Variants in TTC27 observed in about 807,000 individuals in gnomAD.
TTC27 encodes the protein tetratricopeptide repeat domain 27.
TTC27 carries 79 observed loss-of-function variants against 115.9 expected under a neutral mutation model. The ratio of observed to expected loss-of-function variants is 0.68; its 90% CI spans 0.57 to 0.82. The LOEUF (loss-of-function observed/expected upper bound fraction) is 0.82, where lower values mean the gene tolerates loss of function less well. Ranked by LOEUF, TTC27 falls within the 40% of genes least tolerant of loss-of-function variation. The probability of loss-of-function intolerance (pLI) is 0.00; values close to 1 mark genes in which losing one functional copy is unlikely to be tolerated. For synonymous variants in TTC27, 401 were observed against 356.0 expected, an observed-to-expected ratio of 1.13 and a Z score of -1.42; for missense variants, 1,054 against 993.1, an observed-to-expected ratio of 1.06 and a Z score of -0.82.
intron 3 of TTC27, among the ~76,000 whole-genome samples, chr2:32,636,794 T>G (rs993425721): frequency 1.3e-5 from 2 of 152,232 alleles, no homozygotes; most frequent in Non-Finnish European, 2.9e-5. Flanking sequence ...AGCTGGATTT[T>G]GTCAAAGAAG....
intron 9 of TTC27, among the ~76,000 whole-genome samples, chr2:32,694,980 G>C (rs952348690): frequency 6.6e-6 from 1 of 151,942 alleles, no homozygotes; most frequent in Non-Finnish European, 1.5e-5. Flanking sequence ...CGGCCAGCCT[G>C]CTCTGTCTTT....
At chr2:32,799,696 T>G (rs1670855957) in intron 16 of TTC27, among the ~76,000 whole-genome samples, 1 of 152,174 alleles carries the variant, frequency 6.6e-6, no homozygotes, top group African/African-American at 2.4e-5. Flanking sequence ...ATATCCTTAT[T>G]ATATAAAGAG....
At chr2:32,670,111 C>T (rs543024429) in intron 7 of TTC27, among the ~76,000 whole-genome samples, 5 of 151,750 alleles carry the variant, frequency 3.3e-5, no homozygotes, top group African/African-American at 9.7e-5. Context: ...CTTCTGACGT[C>T]GGGTGATCCG....
At chr2:32,795,570 A>G (rs2148030641) in intron 16 of TTC27, among the ~76,000 whole-genome samples, 1 of 148,806 alleles carries the variant, frequency 6.7e-6, no homozygotes, top group East Asian at 2.0e-4. Context: ...TTATTTATTT[A>G]TTGACAAAGT....
intron 14 of TTC27, among the ~76,000 whole-genome samples, chr2:32,782,166 G>A (rs1440741275): frequency 6.6e-6 from 1 of 152,162 alleles, no homozygotes; most frequent in Non-Finnish European, 1.5e-5. Context: ...AATAGGTAGA[G>A]AAATATCTTT....
chr2:32,800,972 G>A (rs1670911544), intron 16 of TTC27, among the ~76,000 whole-genome samples: 3 of 152,146 alleles, frequency 2.0e-5, no homozygotes, highest in Admixed American at 2.0e-4. Context: ...CAAGAGATTT[G>A]ATATTTAAAA....
intron 13 of TTC27, among the ~76,000 whole-genome samples, chr2:32,775,695 G>C (rs1358586695): frequency 6.6e-6 from 1 of 151,954 alleles, no homozygotes; most frequent in East Asian, 1.9e-4. Flanking sequence ...TCGGTTGTAA[G>C]AAGTACCTTT....
chr2:32,710,529 A>G (rs1667539243), intron 10 of TTC27, among the ~76,000 whole-genome samples: 1 of 147,842 alleles, frequency 6.8e-6, no homozygotes, highest in African/African-American at 2.5e-5. Context: ...TCCCAGGTTC[A>G]ACCAATTCTC....
In TTC27 at chr2:32,811,115, TA is replaced by T; in HGVS notation, c.2091del (p.Leu697PhefsTer5). The T allele has an allele frequency of 6.2e-7, 1 of 1,614,196 alleles. No individual in the cohort carries two copies. The highest frequency in any genetic ancestry group is 8.5e-7 in the Non-Finnish European group (1 of 1,180,028). On this transcript the variant is annotated frameshift_variant, in exon 17 of 20. Coordinates refer to ENST00000317907, the MANE Select transcript of TTC27 (RefSeq NM_017735.5). LOFTEE classifies it high-confidence loss of function. The stretch of plus-strand genomic sequence containing the variant: ...GGCCTCAAAGGAAAGCTGCAGGAGT[TA>T]TTTGGCAGAGTGACTTCAAGAGTGA... ...ATGLKGKLQE[L>X]FGRVTSRVTN...
intron 10 of TTC27, among the ~76,000 whole-genome samples, chr2:32,708,997 A>C (rs1347929638): frequency 6.6e-6 from 1 of 152,240 alleles, no homozygotes; most frequent in Non-Finnish European, 1.5e-5. Context: ...TTGTGACTGC[A>C]TAGGGGGGTT....
intron 10 of TTC27, among the ~76,000 whole-genome samples, chr2:32,727,224 T>A (rs1668140613): frequency 6.6e-6 from 1 of 152,238 alleles, no homozygotes; most frequent in Non-Finnish European, 1.5e-5. Context: ...AAGATTTTTC[T>A]GATGAGATTG....
intron 9 of TTC27, among the ~76,000 whole-genome samples, chr2:32,692,874 G>C (rs576878315): frequency 6.6e-6 from 1 of 152,068 alleles, no homozygotes; most frequent in South Asian, 2.1e-4. Flanking sequence ...TACTTGGGAG[G>C]CTGAGGCAGG....
chr2:32,745,951 G>GT (rs1417263149), intron 12 of TTC27, among the ~76,000 whole-genome samples: 1 of 152,108 alleles, frequency 6.6e-6, no homozygotes, highest in Non-Finnish European at 1.5e-5. Context: ...TAAACAGCAT[G>GT]TTACTCCGGT....
chr2:32,628,141 C>T lies in TTC27; in HGVS notation c.-152C>T. The stretch of plus-strand genomic sequence containing the variant: ...TATGGCCGCCTCCTTGAGGTAGTAT[C>T]CGCACATGGAATTCTAGGGCCGCAG... On this transcript the variant is annotated 5_prime_UTR_variant, in exon 1 of 20. Coordinates refer to ENST00000317907, the MANE Select transcript of TTC27 (RefSeq NM_017735.5). 1 of 695,590 alleles carries T rather than the reference C, an allele frequency of 1.4e-6. No individual in the cohort carries two copies. The highest frequency in any genetic ancestry group is 2.4e-6 in the Non-Finnish European group (1 of 408,896). The allele number at this position is 695,590 out of a possible 1,614,324, so 43.1% of individuals were successfully genotyped here.
At chr2:32,656,406 G>A (rs1665322950) in intron 5 of TTC27, among the ~76,000 whole-genome samples, 1 of 152,160 alleles carries the variant, frequency 6.6e-6, no homozygotes, top group Non-Finnish European at 1.5e-5. Context: ...TTTTTAGGTA[G>A]AGAACTTGGA....
Position 32,811,128 on chromosome 2 carries a change from G to C in TTC27, c.2103G>C (p.Val701=). The C allele has an allele frequency of 6.2e-7, 1 of 1,614,176 alleles. No homozygotes were observed. Among genetic ancestry groups the C allele is most frequent in the Non-Finnish European group, 8.5e-7 (1 of 1,180,034 alleles). The change falls in exon 17 of 20, where the codon GTG becomes GTC. Residue 701 remains valine (V), a synonymous_variant. Transcript: ENST00000317907. The part of the protein sequence containing the change: ...KGKLQELFGR[V]TSRVTNDGEI... ...AGCTGCAGGAGTTATTTGGCAGAGT[G>C]ACTTCAAGAGTGACAAATGATGGAG...
At chr2:32,743,356 A>C (rs531107615) in intron 12 of TTC27, among the ~76,000 whole-genome samples, 1 of 152,236 alleles carries the variant, frequency 6.6e-6, no homozygotes, top group African/African-American at 2.4e-5. Context: ...TTTTCACTGG[A>C]GGCTCAACTT....
intron 12 of TTC27, among the ~76,000 whole-genome samples, chr2:32,743,312 G>T (rs3769582): frequency 0.42 from 64,406 of 151,884 alleles, 13,790 homozygotes; most frequent in Non-Finnish European, 0.44. Context: ...TCTCACTCAA[G>T]TATGAATAAC....
At chr2:32,734,218 T>A (rs946795935) in intron 11 of TTC27, among the ~76,000 whole-genome samples, 4 of 152,074 alleles carry the variant, frequency 2.6e-5, no homozygotes, top group African/African-American at 9.7e-5. Context: ...TTTTAAGGGA[T>A]GAGGTCTTGC....
Sources: allele counts gnomAD v4.1 joint callset (sites outside exome capture counted in the v4.1 genomes callset), GRCh38; gene constraint gnomAD v4.1.1; transcripts MANE v1.5; gene names NCBI Gene and HGNC (gene_info 2026-07-23, HGNC 2026-07-21).